POGLUT1: variants seen among roughly 807,000 people sequenced by gnomAD.
POGLUT1 encodes the protein 9630046K23Rik.
A neutral mutation model predicts 61.3 loss-of-function variants in POGLUT1; 32 were observed. The ratio of observed to expected loss-of-function variants is 0.52; its 90% confidence interval spans 0.39 to 0.70. The LOEUF (loss-of-function observed/expected upper bound fraction) is 0.70. Ranked by LOEUF, POGLUT1 falls within the 30% of genes least tolerant of loss-of-function variation. POGLUT1 has a pLI of 0.00. For synonymous variants in POGLUT1, 158 were observed against 158.2 expected, an observed-to-expected ratio of 1.00 and a Z score of 0.01; for missense variants, 411 against 469.8, an observed-to-expected ratio of 0.87 and a Z score of 1.16.
At chr3:119,485,673 C>A (rs939411603) in intron 6 of POGLUT1, among the ~76,000 whole-genome samples, 6 of 152,224 alleles carry the variant, frequency 3.9e-5, no homozygotes, top group African/African-American at 1.2e-4. Context: ...ATGCCAAACA[C>A]AACAGATGGG....
intron 3 of POGLUT1, among the ~76,000 whole-genome samples, chr3:119,476,424 C>G (rs1217522704): frequency 6.6e-6 from 1 of 151,078 alleles, no homozygotes; most frequent in Non-Finnish European, 1.5e-5. Context: ...TTGCAGTTAT[C>G]TCCCTATATA....
chr3:119,480,070 T>C lies in POGLUT1; in HGVS notation c.476T>C (p.Ile159Thr). 2 of 1,613,756 alleles carry C rather than the reference T, an allele frequency of 1.2e-6. No individual in the cohort carries two copies. The highest frequency in any genetic ancestry group is 1.7e-6 in the Non-Finnish European group (2 of 1,179,770). Reference protein sequence around the residue: ...SFSKTSEYHDIMYPAWTFWEG... With the variant: ...SFSKTSEYHDTMYPAWTFWEG... ...TTGAAGACATCAGAGTACCATGATA[T>C]CATGTATCCTGCTTGGACATTTTGG... The change falls in exon 5 of 11, where the codon ATC becomes ACC. Residue 159 changes from isoleucine (I) to threonine (T), a missense_variant. By Grantham distance (89) the Ile-to-Thr change is moderately conservative. Coordinates refer to ENST00000295588, the MANE Select transcript of POGLUT1 (RefSeq NM_152305.3).
At chr3:119,485,218 A>C (rs75868432) in intron 5 of POGLUT1, 110 bp from the exon 6 acceptor site, 2 of 533,866 alleles carry the variant, frequency 3.7e-6, no homozygotes, top group Non-Finnish European at 6.1e-6. Flanking sequence ...CTCCGTCTCA[A>C]AAAAAAAAAA....
intron 9 of POGLUT1, among the ~76,000 whole-genome samples, chr3:119,491,189 ATATATT>A (rs2081740467): frequency 6.8e-6 from 1 of 147,902 alleles, no homozygotes; most frequent in African/African-American, 2.4e-5. Context: ...CTATATATAA[ATATATT>A]TATATATAAA....
chr3:119,483,164 C>G (rs1475239436), intron 5 of POGLUT1, among the ~76,000 whole-genome samples: 1 of 152,204 alleles, frequency 6.6e-6, no homozygotes. Flanking sequence ...CTAGCTGTTT[C>G]ATGTCTAGAA....
rs557093053 is a variant in POGLUT1, at chr3:119,489,158, C to T, written c.797+171C>T. Reference sequence around the variant, plus strand: ...AAATGCACTGACCTGAGTTCTGTGGCGACTGTAGAGAAGAATGGAACATGG... The same window carrying T: ...AAATGCACTGACCTGAGTTCTGTGGTGACTGTAGAGAAGAATGGAACATGG... On this transcript the variant is annotated intron_variant, in intron 8 of 10. Transcript: ENST00000295588. 31 of 449,030 alleles carry T rather than the reference C, an allele frequency of 6.9e-5. No homozygotes were observed. In the South Asian group the frequency reaches 1.1e-3, roughly 16 times the overall value. 27.8% of individuals were successfully genotyped at this position (449,030 alleles called of 1,614,324 possible). A position where few individuals can be genotyped will look rare whatever the true frequency, so the allele number is the denominator to read the frequency against.
chr3:119,480,948 C>G (rs1007370423), intron 5 of POGLUT1, among the ~76,000 whole-genome samples: 1 of 151,964 alleles, frequency 6.6e-6, no homozygotes, highest in Non-Finnish European at 1.5e-5. Flanking sequence ...CCATGTTGCC[C>G]AGGCTGGTCT....
At chr3:119,490,426 C>G in intron 8 of POGLUT1, 125 bp from the exon 9 acceptor site, 1 of 846,696 alleles carries the variant, frequency 1.2e-6, no homozygotes, top group Non-Finnish European at 1.9e-6. Flanking sequence ...CTTGAAAACT[C>G]AAAGTGGAAA....
chr3:119,478,324 T>G (rs1294937715), intron 4 of POGLUT1: 2 of 456,194 alleles, frequency 4.4e-6, no homozygotes, highest in Non-Finnish European at 8.8e-6. Context: ...ATAGTTTACT[T>G]TCTCCCTAGA....
chr3:119,479,991 A>C (rs1478653554), intron 4 of POGLUT1, 60 bp from the exon 5 acceptor site: 1 of 1,606,710 alleles, frequency 6.2e-7, no homozygotes. Context: ...GCATGATTGC[A>C]GTTGCCTCTT....
chr3:119,471,697 G>C (rs2081476152), intron 3 of POGLUT1: 1 of 465,494 alleles, frequency 2.1e-6, no homozygotes, highest in Non-Finnish European at 3.9e-6. Context: ...TGCCTCTTCT[G>C]CTCCTTCCCT....
intron 5 of POGLUT1, among the ~76,000 whole-genome samples, chr3:119,484,306 C>G (rs749121191): frequency 6.6e-6 from 1 of 152,146 alleles, no homozygotes; most frequent in African/African-American, 2.4e-5. Context: ...TAAGTTTCTC[C>G]GTTACTGTAA....
intron 8 of POGLUT1, chr3:119,490,310 G>A (rs905049838): frequency 9.8e-6 from 5 of 508,890 alleles, no homozygotes; most frequent in Non-Finnish European, 1.4e-5. Context: ...GCTGTCTGGA[G>A]AAAATATCCC....
At chr3:119,470,880 A>G (rs1304291298) in intron 2 of POGLUT1, among the ~76,000 whole-genome samples, 1 of 152,244 alleles carries the variant, frequency 6.6e-6, no homozygotes, top group Non-Finnish European at 1.5e-5. Context: ...TCACGCTACC[A>G]GAGTAAGGGC....
rs1337849870 is a variant in POGLUT1, at chr3:119,483,443, CTG to C, written c.579-1882_579-1881del. The stretch of plus-strand genomic sequence containing the variant: ...CCTGGCTCTTATTAGCTGCATGACT[CTG>C]TGCAAGTTGCTTAACCTCTAAAGGA... On this transcript the variant is annotated intron_variant, in intron 5 of 10. Coordinates refer to ENST00000295588, the MANE Select transcript of POGLUT1 (RefSeq NM_152305.3). Among the ~76,000 whole-genome samples, 4 of 152,152 alleles carry C rather than the reference CTG, an allele frequency of 2.6e-5. 1 individual carries two copies. Among genetic ancestry groups the C allele is most frequent in the Middle Eastern group, 6.3e-3 (2 of 316 alleles).
chr3:119,492,578 C>T lies in POGLUT1; in HGVS notation c.*140C>T. On this transcript the variant is annotated 3_prime_UTR_variant, in exon 11 of 11. Transcript: ENST00000295588. ...ACCTGGTTTTCCTTATCATGCTGCACCCAGAGCAACTCTTGAGAAAGATTT... is the reference window on the plus strand; with the variant it reads ...ACCTGGTTTTCCTTATCATGCTGCATCCAGAGCAACTCTTGAGAAAGATTT... 2.1e-6 allele frequency: 1 copy of T among 476,414 alleles called. No individual in the cohort carries two copies. The highest frequency in any genetic ancestry group is 3.7e-6 in the Non-Finnish European group (1 of 269,522). The allele number at this position is 476,414 out of a possible 1,614,324, so 29.5% of individuals were successfully genotyped here.
At chr3:119,476,457 G>A (rs1490939557) in intron 3 of POGLUT1, among the ~76,000 whole-genome samples, 1 of 146,430 alleles carries the variant, frequency 6.8e-6, no homozygotes, top group African/African-American at 2.5e-5. Context: ...TTTTTTTTTG[G>A]CTAGAGGAGC....
At chr3:119,480,247 A>G in intron 5 of POGLUT1, 75 bp downstream of exon 5, 1 of 1,207,146 alleles carries the variant, frequency 8.3e-7, no homozygotes, top group Non-Finnish European at 1.1e-6. Flanking sequence ...ATAACCAATT[A>G]TTTACTTTTT....
chr3:119,474,386 C>T (rs948752092), intron 3 of POGLUT1, among the ~76,000 whole-genome samples: 1 of 152,128 alleles, frequency 6.6e-6, no homozygotes, highest in Non-Finnish European at 1.5e-5. Context: ...ACAACCAAAA[C>T]GTTCCTTCTG....
Sources: allele counts gnomAD v4.1 joint callset (sites outside exome capture counted in the v4.1 genomes callset), GRCh38; gene constraint gnomAD v4.1.1; transcripts MANE v1.5; gene names NCBI Gene and HGNC (gene_info 2026-07-23, HGNC 2026-07-21).